Variants in LRRC8D observed in about 807,000 individuals in gnomAD.
LRRC8D encodes the protein volume-regulated anion channel subunit LRRC8D.
A neutral mutation model predicts 55.8 loss-of-function variants in LRRC8D; 20 were observed. That is an observed-to-expected ratio of 0.36 (90% CI 0.25 to 0.52). LRRC8D has a LOEUF of 0.52. LRRC8D is among the 20% of genes least tolerant of loss of function. The probability of loss-of-function intolerance (pLI) is 0.93; values close to 1 mark genes in which losing one functional copy is unlikely to be tolerated. For missense variants in LRRC8D, 651 were observed against 1,030.8 expected, an observed-to-expected ratio of 0.63 and a Z score of 5.05; for synonymous variants, 352 against 377.0, an observed-to-expected ratio of 0.93 and a Z score of 0.77.
intron 2 of LRRC8D, among the ~76,000 whole-genome samples, chr1:89,852,415 C>T (rs1661442454): frequency 1.3e-5 from 2 of 152,120 alleles, no homozygotes. Flanking sequence ...CTACTTCATC[C>T]ATTCAACAGG....
At chr1:89,878,913 G>A (rs1295479408) in intron 2 of LRRC8D, among the ~76,000 whole-genome samples, 1 of 150,774 alleles carries the variant, frequency 6.6e-6, no homozygotes, top group Non-Finnish European at 1.5e-5. Context: ...ATTGCAGTGA[G>A]CTGAGGTCGC....
chr1:89,924,108 A>G (rs1156985877), intron 2 of LRRC8D, among the ~76,000 whole-genome samples: 1 of 152,244 alleles, frequency 6.6e-6, no homozygotes, highest in Non-Finnish European at 1.5e-5. Flanking sequence ...GAGCTTCTGC[A>G]CAGCAAATTA....
At position 89,902,435 on chromosome 1, in the gene LRRC8D, T is replaced by G. The variant is rs563166012; in HGVS notation, c.-2-30632T>G. On this transcript the variant is annotated intron_variant, in intron 2 of 2. Coordinates refer to ENST00000337338, the MANE Select transcript of LRRC8D (RefSeq NM_001134479.2). ...TCTCTTCTGAACTGACTTTTGTCCT[T>G]TGAGCCTGCCCTCTCTGATAAGCTG... 5.9e-5 allele frequency among the ~76,000 whole-genome samples: 9 copies of G among 152,350 alleles called. No homozygotes were observed. The East Asian group carries it at 1.7e-3, about 29-fold the overall frequency.
intron 2 of LRRC8D, among the ~76,000 whole-genome samples, chr1:89,902,526 T>G (rs1325796109): frequency 1.3e-5 from 2 of 152,068 alleles, no homozygotes; most frequent in African/African-American, 2.4e-5. Flanking sequence ...AAGGATGTTT[T>G]CTTTTTCTTT....
At chr1:89,826,466 ATGG>A (rs913501803) in intron 1 of LRRC8D, among the ~76,000 whole-genome samples, 5 of 152,128 alleles carry the variant, frequency 3.3e-5, no homozygotes, top group Non-Finnish European at 5.9e-5. Flanking sequence ...GGGTTTCACC[ATGG>A]TCTCGATCTC....
At chr1:89,902,268 C>A (rs1374712106) in intron 2 of LRRC8D, among the ~76,000 whole-genome samples, 1 of 152,248 alleles carries the variant, frequency 6.6e-6, no homozygotes, top group East Asian at 1.9e-4. Context: ...ACCGTATTAA[C>A]AAAGTGTGCA....
At chr1:89,872,069 A>G (rs1460836813) in intron 2 of LRRC8D, among the ~76,000 whole-genome samples, 2 of 152,222 alleles carry the variant, frequency 1.3e-5, no homozygotes, top group Non-Finnish European at 2.9e-5. Context: ...TTTCACACTT[A>G]AATTTTATAA....
intron 2 of LRRC8D, among the ~76,000 whole-genome samples, chr1:89,860,595 T>TA (rs1661677039): frequency 6.7e-6 from 1 of 150,132 alleles, no homozygotes; most frequent in South Asian, 2.1e-4. Flanking sequence ...CTGTCTCTAC[T>TA]AAAAATAAAA....
chr1:89,842,820 G>T (rs530913425), intron 1 of LRRC8D, among the ~76,000 whole-genome samples: 11 of 152,294 alleles, frequency 7.2e-5, no homozygotes, highest in Admixed American at 2.6e-4. Context: ...ACTTCTCTGT[G>T]ATTACATAGC....
intron 2 of LRRC8D, among the ~76,000 whole-genome samples, chr1:89,902,452 G>A (rs1048342359): frequency 6.6e-6 from 1 of 152,030 alleles, no homozygotes; most frequent in Admixed American, 6.6e-5. Flanking sequence ...TGCCCTCTCT[G>A]ATAAGCTGCC....
intron 2 of LRRC8D, among the ~76,000 whole-genome samples, chr1:89,871,921 G>A (rs11808788): frequency 0.04 from 6,088 of 151,998 alleles, 427 homozygotes; most frequent in African/African-American, 0.14. Flanking sequence ...ATACTACCTC[G>A]TATTTGTCCA....
intron 2 of LRRC8D, among the ~76,000 whole-genome samples, chr1:89,907,045 C>G (rs1663012392): frequency 6.6e-6 from 1 of 152,060 alleles, no homozygotes; most frequent in Non-Finnish European, 1.5e-5. Context: ...GAATGGGTAA[C>G]TCAACTCCTC....
rs970678615 is a variant in LRRC8D at position 89,860,809 on chromosome 1, T to TATAC, written c.-3+17028_-3+17029insTACA. Among the ~76,000 whole-genome samples, 169 of 105,536 alleles carry TATAC rather than the reference T, an allele frequency of 1.6e-3. 2 individuals carry two copies. Among genetic ancestry groups the TATAC allele is most frequent in the East Asian group, 8.5e-3 (29 of 3,430 alleles). 69.2% of individuals were successfully genotyped at this position (105,536 alleles called of 152,430 possible). ...AAATATATATATATATATATATATA[T>TATAC]ACACACACAGACGCATTTTGTACGT... On this transcript the variant is annotated intron_variant, in intron 2 of 2. Coordinates refer to ENST00000337338, the MANE Select transcript of LRRC8D (RefSeq NM_001134479.2).
chr1:89,838,197 A>T (rs1324766394), intron 1 of LRRC8D, among the ~76,000 whole-genome samples: 3 of 6,518 alleles, frequency 4.6e-4, no homozygotes, highest in African/African-American at 8.0e-4. Context: ...CCTGTCCCTT[A>T]AAAAAAAAAA....
chr1:89,834,066 G>A (rs540048845), intron 1 of LRRC8D, among the ~76,000 whole-genome samples: 28 of 152,262 alleles, frequency 1.8e-4, no homozygotes, highest in African/African-American at 6.3e-4. Flanking sequence ...GGACACTGAC[G>A]GGGTTTGTTC....
In LRRC8D at chr1:89,935,702, T is replaced by G; in HGVS notation, c.*57T>G. The G allele has an allele frequency of 1.3e-6, 2 of 1,496,526 alleles. No individual in the cohort carries two copies. Among genetic ancestry groups the G allele is most frequent in the Non-Finnish European group, 1.8e-6 (2 of 1,087,410 alleles). The allele number at this position is 1,496,526 out of a possible 1,614,324, so 92.7% of individuals were successfully genotyped here. On this transcript the variant is annotated 3_prime_UTR_variant, in exon 3 of 3. Coordinates refer to ENST00000337338, the MANE Select transcript of LRRC8D (RefSeq NM_001134479.2). ...GAACAACTTCCTAGATTGCAAGTGC[T>G]CACGTACAAGTTATTACAAGATAAT...
At chr1:89,841,705 A>T (rs1661138557) in intron 1 of LRRC8D, among the ~76,000 whole-genome samples, 1 of 152,166 alleles carries the variant, frequency 6.6e-6, no homozygotes, top group Non-Finnish European at 1.5e-5. Flanking sequence ...GAACCTTTTG[A>T]ACTTTTGCCA....
intron 2 of LRRC8D, among the ~76,000 whole-genome samples, chr1:89,869,517 C>T (rs1395103628): frequency 6.6e-6 from 1 of 152,070 alleles, no homozygotes; most frequent in Non-Finnish European, 1.5e-5. Context: ...AGAATGGAAC[C>T]AAGTTGGAAG....
chr1:89,904,589 G>A (rs1257566978), intron 2 of LRRC8D, among the ~76,000 whole-genome samples: 1 of 152,206 alleles, frequency 6.6e-6, no homozygotes, highest in Non-Finnish European at 1.5e-5. Flanking sequence ...TTGCTGACAT[G>A]CTTTACCTGG....
Sources: gnomAD v4.1 joint callset for allele counts (sites outside exome capture counted in the v4.1 genomes callset) on GRCh38, gnomAD v4.1.1 for gene constraint, MANE v1.5 for transcripts, NCBI Gene and HGNC (gene_info 2026-07-23, HGNC 2026-07-21) for gene names.